Variants in MEPE observed in about 807,000 individuals in gnomAD.
MEPE encodes the protein matrix, extracellular phosphoglycoprotein with ASARM motif (bone).
A neutral mutation model predicts 7.3 loss-of-function variants in MEPE; 7 were observed. The observed-to-expected ratio is 0.95, with a 90% CI of 0.54 to 1.79. The LOEUF (loss-of-function observed/expected upper bound fraction) is 1.79, where lower values mean the gene tolerates loss of function less well. Ranked by LOEUF, MEPE falls within the 40% of genes most tolerant of loss-of-function variation. MEPE has a pLI of 0.00. For missense variants in MEPE, 623 were observed against 628.2 expected (o/e 0.99, Z 0.09); for synonymous variants, 214 against 213.1 (o/e 1.00, Z -0.04).
chr4:87,838,587 T>C (rs1722887974), intron 2 of MEPE, 45 bp from the exon 3 acceptor site: 4 of 1,549,632 alleles, frequency 2.6e-6, no homozygotes, highest in Non-Finnish European at 3.6e-6. Context: ...GTTAATGAAA[T>C]AGAATGTTCT....
chr4:87,825,689 ACTAT>A (rs1330694394), intron 1 of MEPE, among the ~76,000 whole-genome samples: 2 of 152,228 alleles, frequency 1.3e-5, no homozygotes, highest in East Asian at 3.8e-4. Context: ...TTTTTAACCG[ACTAT>A]CTTTTTTTCT....
chr4:87,839,775 A>T (rs1166735604), intron 3 of MEPE: 20 of 1,549,218 alleles, frequency 1.3e-5, no homozygotes, highest in Non-Finnish European at 1.7e-5. Flanking sequence ...AACTGATGTA[A>T]AGGTAAGCTG....
intron 3 of MEPE, chr4:87,839,648 A>G: frequency 2.1e-6 from 3 of 1,461,548 alleles, no homozygotes; most frequent in Non-Finnish European, 2.8e-6. Flanking sequence ...TTTGTAAGAG[A>G]TAAAACGTGC....
intron 1 of MEPE, among the ~76,000 whole-genome samples, chr4:87,824,400 G>T (rs562151201): frequency 1.3e-5 from 2 of 152,304 alleles, no homozygotes; most frequent in South Asian, 4.1e-4. Flanking sequence ...TTCTTGCTGT[G>T]CCTAGGTCCT....
intron 2 of MEPE, among the ~76,000 whole-genome samples, chr4:87,837,109 C>T (rs936618961): frequency 2.6e-5 from 4 of 152,090 alleles, no homozygotes; most frequent in Admixed American, 1.3e-4. Context: ...CTCAGTAGAG[C>T]GACTTTCTAA....
Position 87,846,371 on chromosome 4 carries a change from G to T in MEPE, c.1503G>T (p.Arg501Ser), listed in dbSNP as rs1371563525. The change falls in exon 4 of 4, where the codon AGG (arginine) becomes AGT (serine). Residue 501 changes from arginine to serine, a missense_variant. Coordinates refer to ENST00000361056, the MANE Select transcript of MEPE (RefSeq NM_020203.6). ...GTAGACAACCCCATTCCAACAGGAGGTTTAGTTCCCGTAGAAGGGATGACA... is the reference window on the plus strand; with the variant it reads ...GTAGACAACCCCATTCCAACAGGAGTTTTAGTTCCCGTAGAAGGGATGACA... ...SWGRQPHSNRRFSSRRRDDSS... is the reference protein window; with the variant it reads ...SWGRQPHSNRSFSSRRRDDSS... The T allele has an allele frequency of 3.1e-6, 5 of 1,614,038 alleles. No homozygotes were observed. The highest frequency in any genetic ancestry group is 1.7e-5 in the Admixed American group (1 of 60,006).
chr4:87,823,322 T>C (rs1336718280), intron 1 of MEPE, among the ~76,000 whole-genome samples: 6 of 152,174 alleles, frequency 3.9e-5, no homozygotes, highest in Admixed American at 3.9e-4. Context: ...TTCAAGTCCT[T>C]CTTACCTCCT....
At chr4:87,833,312 C>A (rs1021750548) in intron 1 of MEPE, among the ~76,000 whole-genome samples, 2 of 152,124 alleles carry the variant, frequency 1.3e-5, no homozygotes, top group Non-Finnish European at 2.9e-5. Context: ...ACTTAACAAA[C>A]TGCAATCAGG....
upstream of MEPE, among the ~76,000 whole-genome samples, chr4:87,830,833 A>AG (rs55716166): frequency 4.0e-3 from 602 of 149,548 alleles, 4 homozygotes; most frequent in African/African-American, 0.014. Flanking sequence ...TAAAAAAAAA[A>AG]AAAGAGAGAG....
chr4:87,839,898 G>C lies in MEPE; in HGVS notation c.108+1213G>C. 1.9e-6 allele frequency: 3 copies of C among 1,539,518 alleles called. No homozygotes were observed. The South Asian group carries it at 3.6e-5, about 18-fold the overall frequency. On this transcript the variant is annotated intron_variant, in intron 3 of 3. Transcript: ENST00000361056. ...CTCTGGGGTTTCTGTCTTATGGCTG[G>C]CACTTTTGTCCCTTCCCTCCCTCCC...
At position 87,845,242 on chromosome 4, in the gene MEPE, G is replaced by A. The variant is rs1723171886; in HGVS notation, c.374G>A (p.Gly125Glu). ...TATCCTAAGTCAACTGGGAATAAAG[G>A]GTTTGAGGATGGAGATGATGCTATC... ...SIYPKSTGNK[G>E]FEDGDDAISK... is the part of the protein sequence containing the mutation. The change falls in exon 4 of 4, where the codon GGG becomes GAG. Residue 125 changes from glycine to glutamate, a missense_variant. Transcript: ENST00000361056. 2 of 1,614,010 alleles carry A rather than the reference G, an allele frequency of 1.2e-6. No homozygotes were observed. Among genetic ancestry groups the A allele is most frequent in the Non-Finnish European group, 1.7e-6 (2 of 1,179,956 alleles).
Position 87,834,806 on chromosome 4 carries a change from T to C in MEPE, c.54+38T>C, listed in dbSNP as rs764767266. The C allele has an allele frequency of 2.6e-6, 4 of 1,537,244 alleles. No individual in the cohort carries two copies. In the Admixed American group the frequency reaches 7.2e-5, roughly 28 times the overall value. On this transcript the variant is annotated intron_variant, in intron 2 of 3. Coordinates refer to ENST00000361056, the MANE Select transcript of MEPE (RefSeq NM_020203.6). ...AAATTCAATTATATTTCAGATAATC[T>C]CTTGCTCTCTTCATTTGTTTTTCTT...
In MEPE at chr4:87,834,781, A is replaced by C; in HGVS notation, c.54+13A>C. ...CTGGGCAGCACCAGTAAGTATTTAC[A>C]AATTCAATTATATTTCAGATAATCT... On this transcript the variant is annotated intron_variant, in intron 2 of 3. Coordinates refer to ENST00000361056, the MANE Select transcript of MEPE (RefSeq NM_020203.6). The C allele has an allele frequency of 6.2e-7, 1 of 1,604,764 alleles. No homozygotes were observed. Among genetic ancestry groups the C allele is most frequent in the African/African-American group, 1.3e-5 (1 of 74,588 alleles).
upstream of MEPE, among the ~76,000 whole-genome samples, chr4:87,828,501 A>T (rs1016112041): frequency 3.3e-5 from 5 of 151,398 alleles, no homozygotes; most frequent in Non-Finnish European, 5.9e-5. Context: ...TACTAAGTTT[A>T]AAAAAAAATG....
chr4:87,826,473 T>G (rs1284117392), intron 1 of MEPE, among the ~76,000 whole-genome samples: 2 of 151,930 alleles, frequency 1.3e-5, no homozygotes, highest in Non-Finnish European at 2.9e-5. Flanking sequence ...TCTCTTGACC[T>G]CGTGATCTGC....
upstream of MEPE, among the ~76,000 whole-genome samples, chr4:87,832,343 A>G (rs1197656688): frequency 6.6e-6 from 1 of 152,172 alleles, no homozygotes; most frequent in African/African-American, 2.4e-5. Context: ...AGGCCTTCCC[A>G]GGACTTCCTA....
At chr4:87,831,432 T>C (rs1722596235), upstream of MEPE, among the ~76,000 whole-genome samples, 1 of 152,158 alleles carries the variant, frequency 6.6e-6, no homozygotes, top group African/African-American at 2.4e-5. Context: ...TTCTTGATTG[T>C]TTTCTCACAG....
intron 3 of MEPE, among the ~76,000 whole-genome samples, chr4:87,844,079 A>C (rs779796785): frequency 6.0e-5 from 9 of 150,634 alleles, no homozygotes; most frequent in Non-Finnish European, 1.2e-4. Flanking sequence ...AGTATGACTC[A>C]CATTTGTCCC....
upstream of MEPE, among the ~76,000 whole-genome samples, chr4:87,831,638 T>C (rs150132559): frequency 1.6e-4 from 24 of 152,286 alleles, no homozygotes; most frequent in East Asian, 4.5e-3. Context: ...ATGCCTGTGC[T>C]TAAAACCTCC....
Sources: allele counts gnomAD v4.1 joint callset (sites outside exome capture counted in the v4.1 genomes callset), GRCh38; gene constraint gnomAD v4.1.1; transcripts MANE v1.5; gene names NCBI Gene and HGNC (gene_info 2026-07-23, HGNC 2026-07-21).